Variants in SLC7A8 observed in about 807,000 individuals in gnomAD.
The protein encoded by SLC7A8 is large neutral amino acids transporter small subunit 2.
In SLC7A8, 30 loss-of-function variants were observed where a neutral mutation model predicts 51.2. That is an observed-to-expected ratio of 0.59 (90% CI 0.44 to 0.80). The LOEUF (loss-of-function observed/expected upper bound fraction) is 0.80. Among genes scored for constraint, SLC7A8 ranks in the 30% least tolerant of loss-of-function variants. The pLI is 0.00. For synonymous variants in SLC7A8, 257 were observed against 275.8 expected, an observed-to-expected ratio of 0.93 and a Z score of 0.67; for missense variants, 612 against 674.4, an observed-to-expected ratio of 0.91 and a Z score of 1.03.
intron 7 of SLC7A8, among the ~76,000 whole-genome samples, chr14:23,133,468 G>GA (rs1283812959): frequency 1.4e-5 from 2 of 145,724 alleles, no homozygotes; most frequent in African/African-American, 5.1e-5. Context: ...AAAAGAGAAA[G>GA]AAAAAATTGG....
intron 1 of SLC7A8, among the ~76,000 whole-genome samples, chr14:23,168,308 C>T (rs1006472148): frequency 6.6e-6 from 1 of 152,192 alleles, no homozygotes; most frequent in African/African-American, 2.4e-5. Context: ...GCAGGGACTA[C>T]AAAACCTGCT....
At chr14:23,154,175 T>C (rs2048871259) in intron 3 of SLC7A8, 1 of 901,964 alleles carries the variant, frequency 1.1e-6, no homozygotes, top group African/African-American at 1.8e-5. Context: ...GGCACCTTTC[T>C]GGATGGAGCT....
intron 1 of SLC7A8, among the ~76,000 whole-genome samples, chr14:23,169,324 C>G (rs1244233058): frequency 6.6e-6 from 1 of 152,112 alleles, no homozygotes; most frequent in East Asian, 1.9e-4. Flanking sequence ...CACCACTGCA[C>G]TCTAGTGACA....
rs184823022 is a variant in SLC7A8 at position 23,181,039 on chromosome 14, G to T, written c.151+1725C>A. ...GAGACTCCGTCTGAACAAAAAAAAA[G>T]AATACCTGAACCTATATTGGGAAGG... On this transcript the variant is annotated intron_variant, in intron 1 of 10. Coordinates refer to ENST00000316902, the MANE Select transcript of SLC7A8 (RefSeq NM_012244.4). Among the ~76,000 whole-genome samples, 138 of 128,854 alleles carry T rather than the reference G, an allele frequency of 1.1e-3. 1 individual carries two copies. The Middle Eastern group carries it at 0.015, about 14-fold the overall frequency. 84.5% of individuals were successfully genotyped at this position (128,854 alleles called of 152,430 possible). A position where few individuals can be genotyped will look rare whatever the true frequency, so the allele number is the denominator to read the frequency against.
intron 1 of SLC7A8, 63 bp downstream of exon 1, chr14:23,182,701 A>G: frequency 6.7e-7 from 1 of 1,485,238 alleles, no homozygotes. Context: ...TCGAAGGGTT[A>G]AGATCTCACA....
In SLC7A8 at chr14:23,128,045, T is replaced by G; in HGVS notation, c.1415A>C (p.Lys472Thr). Residue 472 changes from lysine to threonine, a missense_variant, in exon 10 of 11, where the codon AAG becomes ACG. Lys to Thr is a moderately conservative substitution (Grantham distance 78). Transcript: ENST00000316902. This position sits in a 1 kb window ranked among gnomAD's most constrained non-coding sequence, Gnocchi z 4.3. ...VYFLGVYWQH[K>T]PKCFSDFIEL... ...AATGAAGTCACTGAAACACTTGGGC[T>G]TGTGTTGCCAGTAAACACCCAGGAA... 6.2e-7 allele frequency: 1 copy of G among 1,614,160 alleles called. No homozygotes were observed. Among genetic ancestry groups the G allele is most frequent in the African/African-American group, 1.3e-5 (1 of 75,056 alleles).
At chr14:23,134,573 T>G (rs1220034231) in intron 7 of SLC7A8, among the ~76,000 whole-genome samples, 3 of 152,038 alleles carry the variant, frequency 2.0e-5, no homozygotes, top group African/African-American at 7.3e-5. Context: ...TTTCCAATTT[T>G]TAGAGATGGG....
chr14:23,161,657 C>T (rs2048923347), intron 3 of SLC7A8, among the ~76,000 whole-genome samples: 1 of 151,992 alleles, frequency 6.6e-6, no homozygotes, highest in South Asian at 2.1e-4. Flanking sequence ...AAGATAGCGT[C>T]TACCAGTCGG....
At chr14:23,151,435 G>A (rs1331510861) in intron 3 of SLC7A8, among the ~76,000 whole-genome samples, 1 of 152,142 alleles carries the variant, frequency 6.6e-6, no homozygotes, top group Non-Finnish European at 1.5e-5. Context: ...GGTACATATT[G>A]TGGCTGTCTC....
At chr14:23,154,944 G>A (rs1594833339) in intron 3 of SLC7A8, among the ~76,000 whole-genome samples, 2 of 145,066 alleles carry the variant, frequency 1.4e-5, no homozygotes, top group East Asian at 2.0e-4. Flanking sequence ...TAACTTGACT[G>A]GTGAAAGAGA....
chr14:23,181,794 A>T (rs1877195633), intron 1 of SLC7A8, among the ~76,000 whole-genome samples: 1 of 152,164 alleles, frequency 6.6e-6, no homozygotes. Flanking sequence ...ACAATCTCTC[A>T]CTCTGAAGTG....
chr14:23,182,630 T>C, intron 1 of SLC7A8, 134 bp downstream of exon 1: 5 of 918,228 alleles, frequency 5.4e-6, no homozygotes, highest in Non-Finnish European at 7.8e-6. Flanking sequence ...CCAGTGGAGG[T>C]GAGTTACAGC....
At chr14:23,151,063 G>A (rs2048842435) in intron 3 of SLC7A8, among the ~76,000 whole-genome samples, 1 of 152,146 alleles carries the variant, frequency 6.6e-6, no homozygotes, top group South Asian at 2.1e-4. Context: ...TATAAGTCAC[G>A]TGCCTCTGTC....
At chr14:23,131,375 TG>T (rs1416488114) in intron 8 of SLC7A8, 85 bp downstream of exon 8, 1 of 1,087,380 alleles carries the variant, frequency 9.2e-7, no homozygotes, top group African/African-American at 1.6e-5. Context: ...GTAACAGGGG[TG>T]TGTGTGAAAA....
At position 23,128,942 on chromosome 14, in the gene SLC7A8, C is replaced by T. The variant is rs746105330; in HGVS notation, c.1263+708G>A. On this transcript the variant is annotated intron_variant, in intron 9 of 10. Transcript: ENST00000316902. The surrounding 1 kb of genome is among the most constrained non-coding windows in gnomAD (Gnocchi z 4.3). ...ATTTGGAGAGCCTTTGATTTTTCAGCTGGAAGGATCTTCTAGAAGCATCTA... is the reference window on the plus strand; with the variant it reads ...ATTTGGAGAGCCTTTGATTTTTCAGTTGGAAGGATCTTCTAGAAGCATCTA... Among the ~76,000 whole-genome samples the T allele has an allele frequency of 2.0e-5, 3 of 152,140 alleles. No individual in the cohort carries two copies. The highest frequency in any genetic ancestry group is 4.4e-5 in the Non-Finnish European group (3 of 68,030).
chr14:23,146,034 T>C (rs2048790719), intron 3 of SLC7A8, among the ~76,000 whole-genome samples: 2 of 152,246 alleles, frequency 1.3e-5, no homozygotes, highest in Non-Finnish European at 1.5e-5. Context: ...ATCATGTGCC[T>C]GGTGACAAGC....
intron 7 of SLC7A8, 138 bp downstream of exon 7, chr14:23,137,783 G>T: frequency 4.8e-6 from 5 of 1,051,946 alleles, no homozygotes; most frequent in South Asian, 1.5e-5. Flanking sequence ...GCCCTCATGT[G>T]AGCAGTCACC....
rs147634926 is a variant in SLC7A8, at chr14:23,181,672, C to T, written c.151+1092G>A. Among the ~76,000 whole-genome samples, 47 of 152,346 alleles carry T rather than the reference C, an allele frequency of 3.1e-4. No homozygotes were observed. The East Asian group carries it at 8.7e-3, about 28-fold the overall frequency. ...CTGGTTCAGGGGCACCAGGACACAACGAGCTCTCATAAAGGAACTCTGGAG... is the reference window on the plus strand; with the variant it reads ...CTGGTTCAGGGGCACCAGGACACAATGAGCTCTCATAAAGGAACTCTGGAG... On this transcript the variant is annotated intron_variant, in intron 1 of 10. Transcript: ENST00000316902.
chr14:23,161,612 G>T, intron 3 of SLC7A8, among the ~76,000 whole-genome samples: 1 of 149,924 alleles, frequency 6.7e-6, no homozygotes, highest in East Asian at 2.0e-4. Flanking sequence ...GTGGGTGGGA[G>T]GGGTGCTGGA....
Sources: gnomAD v4.1 joint callset for allele counts (sites outside exome capture counted in the v4.1 genomes callset) on GRCh38, gnomAD v4.1.1 for gene constraint, Gnocchi (gnomAD v3.1) non-coding constraint, MANE v1.5 for transcripts, NCBI Gene and HGNC (gene_info 2026-07-23, HGNC 2026-07-21) for gene names.